PTPRN2: variants seen among roughly 807,000 people sequenced by gnomAD.
The protein encoded by PTPRN2 is receptor-type tyrosine-protein phosphatase N2.
In PTPRN2, 74 loss-of-function variants were observed where a neutral mutation model predicts 118.8. The observed-to-expected ratio is 0.62, with a 90% confidence interval of 0.52 to 0.76. PTPRN2 has a LOEUF of 0.76. PTPRN2 is among the 30% of genes least tolerant of loss of function. The pLI is 0.00. For missense variants in PTPRN2, 1,481 were observed against 1,394.4 expected, an observed-to-expected ratio of 1.06 and a Z score of -0.99; for synonymous variants, 641 against 608.0, an observed-to-expected ratio of 1.05 and a Z score of -0.80.
chr7:158,005,946 T>C (rs1402304667), intron 11 of PTPRN2, among the ~76,000 whole-genome samples: 3 of 152,216 alleles, frequency 2.0e-5, no homozygotes, highest in African/African-American at 7.2e-5. Context: ...AGTAAAACCT[T>C]AGAGGCTGAG....
chr7:158,289,745 TG>T (rs1799986564), intron 3 of PTPRN2, among the ~76,000 whole-genome samples: 1 of 152,178 alleles, frequency 6.6e-6, no homozygotes, highest in Non-Finnish European at 1.5e-5. Context: ...TTGTTGTTGT[TG>T]TTGTTGCCTT....
chr7:158,337,465 A>T (rs1350410352), intron 2 of PTPRN2, among the ~76,000 whole-genome samples: 1 of 145,328 alleles, frequency 6.9e-6, no homozygotes, highest in African/African-American at 2.6e-5. Flanking sequence ...TCAAACCCAC[A>T]CTCTCACCAT....
At position 157,881,538 on chromosome 7, in the gene PTPRN2, G is replaced by T. The variant is rs943815323; in HGVS notation, c.1788+17135C>A. On this transcript the variant is annotated intron_variant, in intron 12 of 22. Transcript: ENST00000389418. This position sits in a 1 kb window ranked among gnomAD's most constrained non-coding sequence, Gnocchi z 4.7. ...CACTCTGCAGTATTCTGTTGTGGCAGCCAGAGAGGACGCACATGGTCAACA... is the reference window on the plus strand; with the variant it reads ...CACTCTGCAGTATTCTGTTGTGGCATCCAGAGAGGACGCACATGGTCAACA... Among the ~76,000 whole-genome samples the T allele has an allele frequency of 1.3e-5, 2 of 152,088 alleles. No individual in the cohort carries two copies. Among genetic ancestry groups the T allele is most frequent in the African/African-American group, 4.8e-5 (2 of 41,402 alleles).
intron 2 of PTPRN2, among the ~76,000 whole-genome samples, chr7:158,358,086 C>T (rs1299788644): frequency 1.3e-5 from 2 of 152,222 alleles, no homozygotes; most frequent in East Asian, 1.9e-4. Context: ...GTGAGTTACT[C>T]GAATACATGA....
intron 12 of PTPRN2, among the ~76,000 whole-genome samples, chr7:157,810,923 G>T (rs2151116559): frequency 6.6e-6 from 1 of 152,228 alleles, no homozygotes; most frequent in East Asian, 1.9e-4. Flanking sequence ...GAGCACTGAG[G>T]GTCAGCAGCA....
Position 157,772,481 on chromosome 7 carries a change from C to T in PTPRN2, c.1789-89544G>A, listed in dbSNP as rs532158124. 7.6e-4 allele frequency among the ~76,000 whole-genome samples: 116 copies of T among 152,346 alleles called. 1 individual carries two copies. The highest frequency in any genetic ancestry group is 1.3e-3 in the Non-Finnish European group (90 of 68,030). On this transcript the variant is annotated intron_variant, in intron 12 of 22. Transcript: ENST00000389418. ...GGCTGCAGTGTGAGCCCAGCAGAGT[C>T]CTGCTCAGTGCTGCCCAGAGACCTG...
intron 6 of PTPRN2, among the ~76,000 whole-genome samples, chr7:158,151,776 C>G (rs924731342): frequency 6.6e-6 from 1 of 152,208 alleles, no homozygotes; most frequent in African/African-American, 2.4e-5. Flanking sequence ...CTGCACATCT[C>G]CTTTGCACCA....
chr7:158,411,809 C>G (rs984471737), intron 2 of PTPRN2, among the ~76,000 whole-genome samples: 1 of 152,148 alleles, frequency 6.6e-6, no homozygotes, highest in African/African-American at 2.4e-5. Context: ...CAGTCACTGG[C>G]CTTCCTCCCG....
At chr7:158,195,599 C>T (rs1273938965) in intron 4 of PTPRN2, among the ~76,000 whole-genome samples, 1 of 150,074 alleles carries the variant, frequency 6.7e-6, no homozygotes, top group Non-Finnish European at 1.5e-5. Flanking sequence ...TAGATGTGTC[C>T]CATAGCTCAC....
chr7:157,771,517 T>A (rs1199641743), intron 12 of PTPRN2, among the ~76,000 whole-genome samples: 1 of 151,996 alleles, frequency 6.6e-6, no homozygotes, highest in Non-Finnish European at 1.5e-5. Context: ...GGGTGCAGAG[T>A]GCTGGATCTG....
At chr7:158,262,759 T>A (rs1797557381) in intron 3 of PTPRN2, among the ~76,000 whole-genome samples, 1 of 132,354 alleles carries the variant, frequency 7.6e-6, no homozygotes. Flanking sequence ...ATACACACAC[T>A]GCACACACAC....
chr7:157,572,398 A>G (rs1421876535), intron 19 of PTPRN2, among the ~76,000 whole-genome samples: 1 of 152,250 alleles, frequency 6.6e-6, no homozygotes, highest in Non-Finnish European at 1.5e-5. Context: ...ATGGACCATC[A>G]ATGGGAAAAT....
chr7:158,020,386 T>C (rs2128875509), intron 11 of PTPRN2, among the ~76,000 whole-genome samples: 1 of 151,742 alleles, frequency 6.6e-6, no homozygotes, highest in South Asian at 2.1e-4. Flanking sequence ...GGTGAGGGGG[T>C]GTCCCAGGAA....
At chr7:158,340,761 C>G (rs1431544612) in intron 2 of PTPRN2, among the ~76,000 whole-genome samples, 1 of 83,166 alleles carries the variant, frequency 1.2e-5, no homozygotes, top group Admixed American at 1.2e-4. Context: ...GTCACACACA[C>G]CCACACTCTC....
chr7:158,017,182 G>A (rs546345689), intron 11 of PTPRN2, among the ~76,000 whole-genome samples: 15 of 152,328 alleles, frequency 9.8e-5, no homozygotes, highest in African/African-American at 1.4e-4. Flanking sequence ...GCAAATGAAC[G>A]CCAGCACATG....
intron 21 of PTPRN2, among the ~76,000 whole-genome samples, chr7:157,559,014 C>T (rs115042995): frequency 0.011 from 1,600 of 152,354 alleles, 24 homozygotes; most frequent in African/African-American, 0.037. Flanking sequence ...GCCGAGGGGC[C>T]GCGTGACACT....
chr7:158,071,295 C>CCCA (rs1227232077), intron 11 of PTPRN2, among the ~76,000 whole-genome samples: 2 of 85,008 alleles, frequency 2.4e-5, no homozygotes, highest in East Asian at 3.8e-4. Flanking sequence ...GGTGGAGGTG[C>CCCA]TCGTGGTGGA....
At chr7:158,215,363 C>T (rs1054254826) in intron 3 of PTPRN2, among the ~76,000 whole-genome samples, 4 of 152,102 alleles carry the variant, frequency 2.6e-5, no homozygotes, top group Non-Finnish European at 1.5e-5. Flanking sequence ...GCTTCAGCAA[C>T]TGCGGGGCTA....
chr7:158,519,685 A>G (rs536998244), intron 1 of PTPRN2, among the ~76,000 whole-genome samples: 115 of 152,294 alleles, frequency 7.6e-4, no homozygotes, highest in Non-Finnish European at 1.4e-3. Flanking sequence ...CAAGGGAGAA[A>G]GGGGCCCTTT....
Sources: allele counts gnomAD v4.1 joint callset (sites outside exome capture counted in the v4.1 genomes callset), GRCh38; gene constraint gnomAD v4.1.1; non-coding constraint Gnocchi (gnomAD v3.1); transcripts MANE v1.5; gene names NCBI Gene and HGNC (gene_info 2026-07-23, HGNC 2026-07-21).